Variants in PAPOLG observed in about 807,000 individuals in gnomAD.
PAPOLG encodes poly(A) polymerase gamma.
In PAPOLG, 40 loss-of-function variants were observed where a neutral mutation model predicts 99.0. The ratio of observed to expected loss-of-function variants is 0.40; its 90% CI spans 0.31 to 0.53. The LOEUF is 0.53. PAPOLG is among the 20% of genes least tolerant of loss of function. The probability of loss-of-function intolerance (pLI) is 0.41; values close to 1 mark genes in which losing one functional copy is unlikely to be tolerated. For synonymous variants in PAPOLG, 310 were observed against 299.3 expected, an observed-to-expected ratio of 1.04 and a Z score of -0.37; for missense variants, 675 against 884.1, an observed-to-expected ratio of 0.76 and a Z score of 3.00.
At chr2:60,777,033 T>C (rs1250105943) in intron 8 of PAPOLG, among the ~76,000 whole-genome samples, 1 of 152,202 alleles carries the variant, frequency 6.6e-6, no homozygotes, top group Non-Finnish European at 1.5e-5. Context: ...CTTCAGACTT[T>C]TCTTCTGCAC....
At chr2:60,790,622 C>T (rs1671502646) in intron 15 of PAPOLG, among the ~76,000 whole-genome samples, 1 of 152,168 alleles carries the variant, frequency 6.6e-6, no homozygotes, top group African/African-American at 2.4e-5. Flanking sequence ...GATTCTGATC[C>T]TGGCAAGGTA....
intron 3 of PAPOLG, among the ~76,000 whole-genome samples, chr2:60,764,754 A>G (rs1670623879): frequency 6.6e-6 from 1 of 151,852 alleles, no homozygotes; most frequent in African/African-American, 2.4e-5. Context: ...AGCTTTTATT[A>G]TTTTTTTCTG....
intron 14 of PAPOLG, 65 bp from the exon 15 acceptor site, chr2:60,787,446 A>G (rs1671398207): frequency 2.0e-6 from 3 of 1,511,852 alleles, no homozygotes; most frequent in Non-Finnish European, 2.7e-6. Context: ...TAATTATGAA[A>G]TAGCATCTGT....
At chr2:60,774,190 G>T (rs1670942436) in intron 7 of PAPOLG, among the ~76,000 whole-genome samples, 1 of 151,918 alleles carries the variant, frequency 6.6e-6, no homozygotes, top group Admixed American at 6.6e-5. Flanking sequence ...CGCCTCCCGG[G>T]TTCACGCTGT....
At chr2:60,768,630 G>C in intron 4 of PAPOLG, 79 bp downstream of exon 4, 5 of 1,384,306 alleles carry the variant, frequency 3.6e-6, no homozygotes, top group South Asian at 1.3e-5. Context: ...GGAGAACAAA[G>C]TTCCCACTAT....
At chr2:60,779,107 AT>A (rs1042172137) in intron 8 of PAPOLG, among the ~76,000 whole-genome samples, 6 of 152,124 alleles carry the variant, frequency 3.9e-5, no homozygotes, top group African/African-American at 1.4e-4. Context: ...AAAAAAAAAA[AT>A]AGAAATGAAT....
chr2:60,756,424 A>G lies in PAPOLG; in HGVS notation c.-55A>G, dbSNP rs376903539. The G allele has an allele frequency of 4.7e-5, 76 of 1,613,052 alleles. No individual in the cohort carries two copies. The South Asian group carries it at 6.3e-4, about 13-fold the overall frequency. On this transcript the variant is annotated 5_prime_UTR_variant, in exon 1 of 22. Coordinates refer to ENST00000238714, the MANE Select transcript of PAPOLG (RefSeq NM_022894.4). ...GTGAACAGGGGGAGAAGGGAACAGC[A>G]AGAACAGGACTCCAGAGCGATAAAC...
intron 19 of PAPOLG, 146 bp from the exon 20 acceptor site, chr2:60,794,564 C>A: frequency 1.4e-6 from 1 of 694,112 alleles, no homozygotes; most frequent in Non-Finnish European, 2.3e-6. Flanking sequence ...TGAATTCAAT[C>A]TAATTTAAAT....
intron 17 of PAPOLG, 99 bp downstream of exon 17, chr2:60,792,388 G>C: frequency 8.9e-7 from 1 of 1,121,578 alleles, no homozygotes; most frequent in Non-Finnish European, 1.3e-6. Context: ...TTTTAAAATT[G>C]TTAAAAGATT....
chr2:60,770,364 C>T, intron 5 of PAPOLG, 94 bp from the exon 6 acceptor site: 1 of 1,053,066 alleles, frequency 9.5e-7, no homozygotes, highest in Middle Eastern at 2.4e-4. Context: ...GGTTAAAATA[C>T]AAATCGGGAG....
chr2:60,787,183 T>A, intron 14 of PAPOLG, 117 bp downstream of exon 14: 1 of 949,234 alleles, frequency 1.1e-6, no homozygotes, highest in Non-Finnish European at 1.5e-6. Flanking sequence ...TATGACACAT[T>A]ATATATTTGA....
chr2:60,783,527 T>TTG (rs1671264740), intron 13 of PAPOLG, among the ~76,000 whole-genome samples: 1 of 141,364 alleles, frequency 7.1e-6, no homozygotes, highest in African/African-American at 2.6e-5. Flanking sequence ...TTTTTTTTTT[T>TTG]TGAGAAGGAG....
At chr2:60,793,113 G>C (rs901663695) in intron 17 of PAPOLG, among the ~76,000 whole-genome samples, 3 of 150,598 alleles carry the variant, frequency 2.0e-5, no homozygotes, top group Non-Finnish European at 4.4e-5. Context: ...GCCAAGGTGG[G>C]AGAATAGCTT....
chr2:60,768,589 A>C, intron 4 of PAPOLG, 38 bp downstream of exon 4: 1 of 1,484,038 alleles, frequency 6.7e-7, no homozygotes. Context: ...AAGAACATTC[A>C]ATAACAAACT....
At chr2:60,796,731 T>C (rs1007356690) in intron 21 of PAPOLG, among the ~76,000 whole-genome samples, 1 of 150,746 alleles carries the variant, frequency 6.6e-6, no homozygotes, top group Non-Finnish European at 1.5e-5. Flanking sequence ...CTTTTTTTTT[T>C]CTTTGCTTGA....
At chr2:60,781,863 T>C in intron 10 of PAPOLG, 22 bp from the exon 11 acceptor site, 23 of 1,613,736 alleles carry the variant, frequency 1.4e-5, no homozygotes, top group Non-Finnish European at 1.9e-5. Context: ...ATAGATCAGT[T>C]ATTCTGCTTC....
intron 1 of PAPOLG, among the ~76,000 whole-genome samples, chr2:60,758,049 A>G (rs1489345776): frequency 6.6e-6 from 1 of 152,226 alleles, no homozygotes; most frequent in Non-Finnish European, 1.5e-5. Flanking sequence ...ACTTTCAGGT[A>G]CTTATCTGTA....
intron 3 of PAPOLG, among the ~76,000 whole-genome samples, chr2:60,766,676 G>A (rs1430019667): frequency 1.6e-5 from 2 of 128,958 alleles, no homozygotes; most frequent in East Asian, 4.2e-4. Context: ...GTCTCCATCT[G>A]TTTAAAAAAA....
In PAPOLG at chr2:60,789,455, G is replaced by A. The variant is rs574891194; in HGVS notation, c.1396+1835G>A. On this transcript the variant is annotated intron_variant, in intron 15 of 21. Transcript: ENST00000238714. ...TCGCCATGTTGCCCAGGCTGATCTC[G>A]AACTCCTGGGCTCAAGCAATTTGCC... Among the ~76,000 whole-genome samples, 29 of 152,022 alleles carry A rather than the reference G, an allele frequency of 1.9e-4. No homozygotes were observed. The East Asian group carries it at 5.6e-3, about 29-fold the overall frequency.
Sources: allele counts gnomAD v4.1 joint callset (sites outside exome capture counted in the v4.1 genomes callset), GRCh38; gene constraint gnomAD v4.1.1; transcripts MANE v1.5; gene names NCBI Gene and HGNC (gene_info 2026-07-23, HGNC 2026-07-21).